Variants in RRP1B observed in about 807,000 individuals in gnomAD.
RRP1B encodes ribosomal RNA processing 1B.
In RRP1B, 56 loss-of-function variants were observed where a neutral mutation model predicts 80.2. The observed-to-expected ratio is 0.70, with a 90% confidence interval of 0.56 to 0.87. The LOEUF is 0.87. Among genes scored for constraint, RRP1B ranks in the 40% least tolerant of loss-of-function variants. RRP1B has a pLI of 0.00. For synonymous variants in RRP1B, 351 were observed against 357.6 expected (o/e 0.98, Z 0.21); for missense variants, 807 against 939.8 (o/e 0.86, Z 1.85).
Position 43,687,681 on chromosome 21 carries a change from T to G in RRP1B, c.1307T>G (p.Leu436Arg). The G allele has an allele frequency of 1.2e-6, 2 of 1,603,424 alleles. No individual in the cohort carries two copies. The highest frequency in any genetic ancestry group is 1.7e-6 in the Non-Finnish European group (2 of 1,173,438). ...GGCAGGGAGCCCGAGGCCTCTGGGC[T>G]GAAAGCCCTGAAGGCACGTGTGGCC... ...NRGREPEASG[L>R]KALKARVAEP... The change falls in exon 13 of 16, where the codon CTG (leucine) becomes CGG (arginine). Residue 436 changes from leucine to arginine, a missense_variant. Leu to Arg is a moderately radical substitution (Grantham distance 102, BLOSUM62 -2). Transcript: ENST00000340648.
chr21:43,673,822 G>T, intron 3 of RRP1B, 48 bp from the exon 4 acceptor site: 1 of 1,155,560 alleles, frequency 8.7e-7, no homozygotes, highest in Non-Finnish European at 1.3e-6. Flanking sequence ...CTATATGGTA[G>T]TATGTTGATG....
At chr21:43,677,020 T>C in intron 8 of RRP1B, 106 bp downstream of exon 8, 2 of 1,124,384 alleles carry the variant, frequency 1.8e-6, no homozygotes, top group Non-Finnish European at 2.5e-6. Context: ...CAACCTAGAG[T>C]TGATGGCTCT....
chr21:43,687,414 T>C (rs2147175244), intron 12 of RRP1B, 102 bp from the exon 13 acceptor site: 1 of 1,308,492 alleles, frequency 7.6e-7, no homozygotes, highest in Non-Finnish European at 1.0e-6. Context: ...CGTGGTAGAA[T>C]GTCAGGAAAT....
intron 3 of RRP1B, 48 bp from the exon 4 acceptor site, chr21:43,673,822 G>A (rs1465837064): frequency 8.7e-6 from 10 of 1,155,444 alleles, no homozygotes; most frequent in African/African-American, 3.0e-5. Flanking sequence ...CTATATGGTA[G>A]TATGTTGATG....
At chr21:43,676,966 C>T in intron 8 of RRP1B, 52 bp downstream of exon 8, 1 of 1,550,038 alleles carries the variant, frequency 6.5e-7, no homozygotes, top group Non-Finnish European at 8.8e-7. Flanking sequence ...AAATCCTCCT[C>T]AGACAAACAG....
chr21:43,694,227 A>ACTGC lies in RRP1B; in HGVS notation c.*848_*851dup, dbSNP rs3831445. 0.66 allele frequency: 100,657 copies of ACTGC among 151,682 alleles called. 33,722 individuals carry two copies. The highest frequency in any genetic ancestry group is 0.82 in the East Asian group (4,186 of 5,128). The allele number at this position is 151,682 out of a possible 1,614,324, so 9.4% of individuals were successfully genotyped here. A position where few individuals can be genotyped will look rare whatever the true frequency, so the allele number is the denominator to read the frequency against. On this transcript the variant is annotated 3_prime_UTR_variant, in exon 16 of 16. Transcript: ENST00000340648. ...TCTCCGTCCACGTTCCAGCCGAGTC[A>ACTGC]CTGCCTGACCGGCTCCATGGCAGCT...
intron 8 of RRP1B, among the ~76,000 whole-genome samples, chr21:43,678,400 T>C (rs1251247026): frequency 6.6e-6 from 1 of 152,124 alleles, no homozygotes; most frequent in Non-Finnish European, 1.5e-5. Flanking sequence ...CCTCAGGTGA[T>C]CACCCACCTC....
chr21:43,689,590 T>G (rs1237415310), intron 13 of RRP1B, among the ~76,000 whole-genome samples: 1 of 152,214 alleles, frequency 6.6e-6, no homozygotes, highest in Non-Finnish European at 1.5e-5. Context: ...GACATTGCCT[T>G]TCTTGCTGTC....
At position 43,672,291 on chromosome 21, in the gene RRP1B, C is replaced by T. The variant is rs1392743732; in HGVS notation, c.214-17C>T. 11 of 1,613,660 alleles carry T rather than the reference C, an allele frequency of 6.8e-6. No individual in the cohort carries two copies. The highest frequency in any genetic ancestry group is 9.3e-6 in the Non-Finnish European group (11 of 1,179,702). The stretch of plus-strand genomic sequence containing the variant: ...CCACGATAACCCCCATGTTTCTCCC[C>T]AACCCCGCCTCTGCAGGAAGAGCTC... On this transcript the variant is annotated splice_polypyrimidine_tract_variant and intron_variant, in intron 2 of 15. Coordinates refer to ENST00000340648, the MANE Select transcript of RRP1B (RefSeq NM_015056.3).
At chr21:43,688,399 G>A (rs1385226977) in intron 13 of RRP1B, among the ~76,000 whole-genome samples, 159 bp downstream of exon 13, 1 of 152,250 alleles carries the variant, frequency 6.6e-6, no homozygotes, top group East Asian at 1.9e-4. Flanking sequence ...CTTCACTAAG[G>A]AGGAAATCAC....
chr21:43,666,707 A>T (rs2082979485), intron 1 of RRP1B, among the ~76,000 whole-genome samples: 1 of 125,080 alleles, frequency 8.0e-6, no homozygotes, highest in African/African-American at 3.3e-5. Context: ...GACAGAGTGA[A>T]ACTGTCTCCA....
In RRP1B at chr21:43,693,413, C is replaced by T. The variant is rs2083094946; in HGVS notation, c.*30C>T. On this transcript the variant is annotated 3_prime_UTR_variant, in exon 16 of 16. Coordinates refer to ENST00000340648, the MANE Select transcript of RRP1B (RefSeq NM_015056.3). The surrounding 1 kb of genome is among the most constrained non-coding windows in gnomAD (Gnocchi z 4.1). ...CAGCAGAGTCCCTTGTAAAAGACTGCTTTTGTACAGAATGCGCTATAAATT... is the reference window on the plus strand; with the variant it reads ...CAGCAGAGTCCCTTGTAAAAGACTGTTTTTGTACAGAATGCGCTATAAATT... 1.3e-6 allele frequency: 2 copies of T among 1,496,236 alleles called. No homozygotes were observed. The allele number at this position is 1,496,236 out of a possible 1,614,324, so 92.7% of individuals were successfully genotyped here. A position where few individuals can be genotyped will look rare whatever the true frequency, so the allele number is the denominator to read the frequency against.
intron 8 of RRP1B, among the ~76,000 whole-genome samples, chr21:43,679,307 C>T (rs1157880092): frequency 1.3e-5 from 2 of 150,310 alleles, no homozygotes; most frequent in African/African-American, 4.9e-5. Context: ...CTTGCTCTGT[C>T]GCCCAGGCTG....
In RRP1B at chr21:43,672,366, G is replaced by GT. The variant is rs1568955957; in HGVS notation, c.271+2dup. 1.2e-6 allele frequency: 2 copies of GT among 1,613,406 alleles called. No individual in the cohort carries two copies. Among genetic ancestry groups the GT allele is most frequent in the Admixed American group, 1.7e-5 (1 of 60,018 alleles). On this transcript the variant is annotated splice_donor_variant, in intron 3 of 15. Coordinates refer to ENST00000340648, the MANE Select transcript of RRP1B (RefSeq NM_015056.3). LOFTEE classifies it high-confidence loss of function. The stretch of plus-strand genomic sequence containing the variant: ...CATGCTGTTAACAACTCAGCGGCTC[G>GT]TAAGTCCTGTTGTTTCTTCTCCTTC...
intron 13 of RRP1B, among the ~76,000 whole-genome samples, chr21:43,689,574 G>A (rs1568960857): frequency 6.6e-6 from 1 of 152,322 alleles, no homozygotes; most frequent in East Asian, 1.9e-4. Flanking sequence ...CACTAAGAGG[G>A]CCAGAGACAT....
chr21:43,674,811 A>G, intron 5 of RRP1B, 114 bp downstream of exon 5: 1 of 1,079,728 alleles, frequency 9.3e-7, no homozygotes, highest in Non-Finnish European at 1.4e-6. Context: ...ATCGTTACCT[A>G]TAGAGAATTG....
At chr21:43,679,169 G>T (rs1384870999) in intron 8 of RRP1B, among the ~76,000 whole-genome samples, 1 of 151,194 alleles carries the variant, frequency 6.6e-6, no homozygotes, top group African/African-American at 2.4e-5. Context: ...TTATAGTATA[G>T]TTTGAAATCG....
At chr21:43,667,905 T>C (rs2250773) in intron 1 of RRP1B, among the ~76,000 whole-genome samples, 90,585 of 152,080 alleles carry the variant, frequency 0.6, 27,860 homozygotes, top group East Asian at 0.82. Flanking sequence ...TGGAAAACTA[T>C]CATAAAAGAA....
chr21:43,673,994 G>T (rs2083010821), intron 4 of RRP1B, 39 bp downstream of exon 4: 2 of 1,419,508 alleles, frequency 1.4e-6, no homozygotes, highest in Non-Finnish European at 9.9e-7. Flanking sequence ...CTCCTGGGAA[G>T]AAAAGAATGT....
Sources: gnomAD v4.1 joint callset for allele counts (sites outside exome capture counted in the v4.1 genomes callset) on GRCh38, gnomAD v4.1.1 for gene constraint, Gnocchi (gnomAD v3.1) non-coding constraint, MANE v1.5 for transcripts, NCBI Gene and HGNC (gene_info 2026-07-23, HGNC 2026-07-21) for gene names.